Variants in DHRS9 observed in about 807,000 individuals in gnomAD.
DHRS9 encodes the protein dehydrogenase/reductase SDR family member 9.
DHRS9 carries 18 observed loss-of-function variants against 26.6 expected under a neutral mutation model. The ratio of observed to expected loss-of-function variants is 0.68; its 90% CI spans 0.47 to 1.00. The LOEUF is 1.00. DHRS9 is among the 50% of genes least tolerant of loss of function. The pLI is 0.00. For synonymous variants in DHRS9, 134 were observed against 141.1 expected (o/e 0.95, Z 0.36); for missense variants, 425 against 378.7 (o/e 1.12, Z -1.01).
At chr2:169,067,216 G>A (rs931644463), upstream of DHRS9, 6 of 1,535,476 alleles carry the variant, frequency 3.9e-6, no homozygotes, top group South Asian at 3.6e-5. Context: ...CCTTACAAGA[G>A]TGACACTGGA....
At chr2:169,082,343 T>C (rs10167803) in intron 2 of DHRS9, among the ~76,000 whole-genome samples, 2,839 of 152,266 alleles carry the variant, frequency 0.019, 91 homozygotes, top group African/African-American at 0.065. Flanking sequence ...GAAAATGGCC[T>C]GAGAATTTGA....
chr2:169,089,673 A>G (rs1430041754), intron 3 of DHRS9, among the ~76,000 whole-genome samples: 4 of 152,226 alleles, frequency 2.6e-5, no homozygotes, highest in Non-Finnish European at 4.4e-5. Flanking sequence ...AGATAGAGCA[A>G]CTTCATTTTG....
At chr2:169,094,560 T>A (rs79619120) in intron 4 of DHRS9, among the ~76,000 whole-genome samples, 2 of 151,156 alleles carry the variant, frequency 1.3e-5, no homozygotes, top group African/African-American at 4.9e-5. Context: ...TTTTTTTTTT[T>A]AATAGAGATG....
At chr2:169,071,508 G>A (rs1369505367) in intron 1 of DHRS9, among the ~76,000 whole-genome samples, 1 of 152,194 alleles carries the variant, frequency 6.6e-6, no homozygotes, top group Non-Finnish European at 1.5e-5. Flanking sequence ...ATTTGAGGCA[G>A]TTGGTACACC....
At chr2:169,085,072 G>A (rs977770285) in intron 3 of DHRS9, among the ~76,000 whole-genome samples, 3 of 152,092 alleles carry the variant, frequency 2.0e-5, no homozygotes, top group African/African-American at 7.2e-5. Flanking sequence ...AGTTTTCCTA[G>A]CATCATTTAT....
At chr2:169,093,391 A>G (rs762533128) in intron 4 of DHRS9, among the ~76,000 whole-genome samples, 1 of 152,018 alleles carries the variant, frequency 6.6e-6, no homozygotes, top group South Asian at 2.1e-4. Flanking sequence ...CATTATCTAT[A>G]TATCAACTGA....
At chr2:169,091,261 TAAAATAAAATAAAATA>T (rs1684515032) in intron 3 of DHRS9, among the ~76,000 whole-genome samples, 1 of 146,172 alleles carries the variant, frequency 6.8e-6, no homozygotes, top group Non-Finnish European at 1.5e-5. Flanking sequence ...TAAAATAAAA[TAAAATAAAATAAAATA>T]AAATAAAATA....
In DHRS9 at chr2:169,076,305, G is replaced by A. The variant is rs7602058; in HGVS notation, c.-59-5218G>A. 5.5e-3 allele frequency among the ~76,000 whole-genome samples: 830 copies of A among 152,280 alleles called. 1 individual carries two copies. Among genetic ancestry groups the A allele is most frequent in the Non-Finnish European group, 9.8e-3 (665 of 68,016 alleles). On this transcript the variant is annotated intron_variant, in intron 1 of 4. Coordinates refer to ENST00000674881, the MANE Select transcript of DHRS9 (RefSeq NM_001376924.1). ...CAGCTGACATCTATGTACTAGTGATGTATCTCCAGCATTCGTTGAGCACTT... is the reference window on the plus strand; with the variant it reads ...CAGCTGACATCTATGTACTAGTGATATATCTCCAGCATTCGTTGAGCACTT...
rs74647862 is a variant in DHRS9 at position 169,089,191 on chromosome 2, T to C, written c.573-2599T>C. ...GATACAATCTAGGGGCTAATGACAGTAGGTGTATTTCTCTTCAGAGGACTG... is the reference window on the plus strand; with the variant it reads ...GATACAATCTAGGGGCTAATGACAGCAGGTGTATTTCTCTTCAGAGGACTG... On this transcript the variant is annotated intron_variant, in intron 3 of 4. Coordinates refer to ENST00000674881, the MANE Select transcript of DHRS9 (RefSeq NM_001376924.1). Among the ~76,000 whole-genome samples, 584 of 152,278 alleles carry C rather than the reference T, an allele frequency of 3.8e-3. 9 individuals are homozygous for C. The highest frequency in any genetic ancestry group is 0.029 in the Admixed American group (436 of 15,292).
intron 1 of DHRS9, among the ~76,000 whole-genome samples, chr2:169,078,759 A>C (rs1237633356): frequency 6.6e-6 from 1 of 151,704 alleles, no homozygotes; most frequent in Non-Finnish European, 1.5e-5. Flanking sequence ...CACAAGAATC[A>C]AGTAGGTTCT....
At chr2:169,083,618 C>A (rs1431669876) in intron 3 of DHRS9, 31 bp downstream of exon 3, 1 of 1,606,072 alleles carries the variant, frequency 6.2e-7, no homozygotes, top group Non-Finnish European at 8.5e-7. Context: ...TATTAGGAAA[C>A]AATAGCTGCA....
intron 3 of DHRS9, among the ~76,000 whole-genome samples, chr2:169,091,090 A>C (rs1360083517): frequency 2.0e-5 from 3 of 152,122 alleles, no homozygotes; most frequent in Non-Finnish European, 4.4e-5. Context: ...TTCAACTTAC[A>C]ATGAGTTTAT....
At chr2:169,085,939 T>C (rs1471058581) in intron 3 of DHRS9, among the ~76,000 whole-genome samples, 2 of 152,204 alleles carry the variant, frequency 1.3e-5, no homozygotes, top group African/African-American at 4.8e-5. Flanking sequence ...ACTTGACCTT[T>C]GGGAGCTTGA....
rs1236512692 is a variant in DHRS9 at position 169,096,012 on chromosome 2, C to A, written c.*245C>A. 1 of 530,806 alleles carries A rather than the reference C, an allele frequency of 1.9e-6. No individual in the cohort carries two copies. Among genetic ancestry groups the A allele is most frequent in the Non-Finnish European group, 3.4e-6 (1 of 295,518 alleles). 32.9% of individuals were successfully genotyped at this position (530,806 alleles called of 1,614,324 possible). A position where few individuals can be genotyped will look rare whatever the true frequency, so the allele number is the denominator to read the frequency against. On this transcript the variant is annotated 3_prime_UTR_variant, in exon 5 of 5. Coordinates refer to ENST00000674881, the MANE Select transcript of DHRS9 (RefSeq NM_001376924.1). ...AGTCCTGCCCTGTATTTAGGCTTTG[C>A]CTGCTTGGTGTGATGTAAGGGAAAT...
chr2:169,091,347 G>A (rs556052775), intron 3 of DHRS9, among the ~76,000 whole-genome samples: 5 of 152,294 alleles, frequency 3.3e-5, no homozygotes, highest in Non-Finnish European at 5.9e-5. Context: ...AGGGATTATC[G>A]TATTGTGTCC....
At chr2:169,074,924 A>G (rs1683919195) in intron 1 of DHRS9, among the ~76,000 whole-genome samples, 1 of 152,220 alleles carries the variant, frequency 6.6e-6, no homozygotes, top group African/African-American at 2.4e-5. Flanking sequence ...CTTAACAGCA[A>G]AATTTCCTCT....
intron 1 of DHRS9, among the ~76,000 whole-genome samples, chr2:169,073,219 G>A (rs547284604): frequency 1.3e-5 from 2 of 152,276 alleles, no homozygotes; most frequent in East Asian, 1.9e-4. Context: ...GAGTTGAGTG[G>A]GAATACAGAC....
intron 1 of DHRS9, among the ~76,000 whole-genome samples, chr2:169,077,417 C>T (rs1410922936): frequency 6.6e-6 from 1 of 152,094 alleles, no homozygotes; most frequent in East Asian, 1.9e-4. Flanking sequence ...GTGGCAGGAA[C>T]AATAACCACC....
chr2:169,085,256 G>C (rs967227533), intron 3 of DHRS9, among the ~76,000 whole-genome samples: 1 of 152,124 alleles, frequency 6.6e-6, no homozygotes, highest in African/African-American at 2.4e-5. Flanking sequence ...AAAATTTGAA[G>C]TCATGTAATG....
Sources: allele counts gnomAD v4.1 joint callset (sites outside exome capture counted in the v4.1 genomes callset), GRCh38; gene constraint gnomAD v4.1.1; transcripts MANE v1.5; gene names NCBI Gene and HGNC (gene_info 2026-07-23, HGNC 2026-07-21).